FER1L6: variants seen among roughly 807,000 people sequenced by gnomAD.
The protein encoded by FER1L6 is fer-1-like protein 6.
In FER1L6, 177 loss-of-function variants were observed where a neutral mutation model predicts 219.2. The ratio of observed to expected loss-of-function variants is 0.81; its 90% CI spans 0.71 to 0.91. The LOEUF (loss-of-function observed/expected upper bound fraction) is 0.91. Ranked by LOEUF, FER1L6 falls within the 40% of genes least tolerant of loss-of-function variation. The pLI, the probability that FER1L6 is intolerant of heterozygous loss-of-function variation, is 0.00. For missense variants in FER1L6, 2,153 were observed against 2,259.9 expected (o/e 0.95, Z 0.96); for synonymous variants, 768 against 824.3 (o/e 0.93, Z 1.17).
intron 16 of FER1L6, 44 bp from the exon 17 acceptor site, chr8:124,021,506 C>T: frequency 6.2e-7 from 1 of 1,607,760 alleles, no homozygotes; most frequent in Non-Finnish European, 8.5e-7. Context: ...TGCTTGTTGT[C>T]CAGATCTCTC....
At chr8:123,898,221 T>C (rs1000939618) in intron 1 of FER1L6, among the ~76,000 whole-genome samples, 1 of 152,096 alleles carries the variant, frequency 6.6e-6, no homozygotes, top group African/African-American at 2.4e-5. Flanking sequence ...ATATAAAACT[T>C]AGAAGAATAA....
chr8:124,022,833 T>C (rs919182195), intron 17 of FER1L6, among the ~76,000 whole-genome samples: 1 of 151,624 alleles, frequency 6.6e-6, no homozygotes, highest in Non-Finnish European at 1.5e-5. Flanking sequence ...AAAAGTAGGC[T>C]ACCAAAGATG....
intron 1 of FER1L6, among the ~76,000 whole-genome samples, chr8:123,861,139 A>G (rs1816738474): frequency 8.7e-6 from 1 of 115,316 alleles, no homozygotes; most frequent in Admixed American, 9.2e-5. Context: ...TCTTTAATCC[A>G]TCTTGAATTG....
intron 16 of FER1L6, among the ~76,000 whole-genome samples, chr8:124,018,803 T>C (rs746890342): frequency 6.6e-6 from 1 of 152,214 alleles, no homozygotes. Flanking sequence ...ACATCCTGCA[T>C]TGGCACTGCC....
At chr8:124,067,877 G>A (rs1820892981) in intron 28 of FER1L6, 71 bp downstream of exon 28, 1 of 1,267,794 alleles carries the variant, frequency 7.9e-7, no homozygotes, top group Admixed American at 1.7e-5. Context: ...TAAAATGGAA[G>A]CCACGGGAGG....
chr8:124,065,134 C>T (rs1820769314), intron 26 of FER1L6, among the ~76,000 whole-genome samples: 1 of 152,048 alleles, frequency 6.6e-6, no homozygotes, highest in Non-Finnish European at 1.5e-5. Flanking sequence ...TGGCTCACAC[C>T]TGTAATCCTA....
intron 18 of FER1L6, among the ~76,000 whole-genome samples, 177 bp downstream of exon 18, chr8:124,023,773 G>T (rs1434082774): frequency 6.6e-6 from 1 of 152,064 alleles, no homozygotes; most frequent in African/African-American, 2.4e-5. Context: ...ACCACCTTTA[G>T]GTGGAATTTT....
In FER1L6 at chr8:124,013,417, T is replaced by C; in HGVS notation, c.1822-14T>C. 6.4e-7 allele frequency: 1 copy of C among 1,558,458 alleles called. No homozygotes were observed. The highest frequency in any genetic ancestry group is 8.8e-7 in the Non-Finnish European group (1 of 1,139,758). ...CCACCGCCTCATCTCTCCACCCCTG[T>C]GGTTTGTTTTCAGGAAGAAAGTATA... On this transcript the variant is annotated splice_polypyrimidine_tract_variant and intron_variant, in intron 14 of 40. Transcript: ENST00000522917.
In FER1L6 at chr8:123,890,922, T is replaced by C. The variant is rs374251268; in HGVS notation, c.-8+38737T>C. Among the ~76,000 whole-genome samples, 9 of 152,200 alleles carry C rather than the reference T, an allele frequency of 5.9e-5. No individual in the cohort carries two copies. The East Asian group carries it at 1.3e-3, about 23-fold the overall frequency. On this transcript the variant is annotated intron_variant, in intron 1 of 40. Transcript: ENST00000522917. ...AATTCAATGCAATCAATAATTTGAG[T>C]TGGTTTCAGATCTTTTCCTTTAGGT...
intron 1 of FER1L6, among the ~76,000 whole-genome samples, chr8:123,901,058 A>G (rs1306759129): frequency 6.6e-6 from 1 of 152,136 alleles, no homozygotes; most frequent in Non-Finnish European, 1.5e-5. Context: ...TATCTTGTGG[A>G]ATAGTGTCAA....
At chr8:123,956,757 T>C (rs765877856) in intron 2 of FER1L6, among the ~76,000 whole-genome samples, 6 of 152,170 alleles carry the variant, frequency 3.9e-5, no homozygotes, top group Non-Finnish European at 8.8e-5. Context: ...ACAGACCACA[T>C]ATCCATGAAG....
intron 1 of FER1L6, among the ~76,000 whole-genome samples, chr8:123,864,495 T>G (rs534765493): frequency 2.0e-5 from 3 of 150,248 alleles, no homozygotes; most frequent in Non-Finnish European, 4.4e-5. Context: ...CTTTGTGGCG[T>G]TCTCTGTATT....
intron 20 of FER1L6, among the ~76,000 whole-genome samples, chr8:124,043,047 C>T (rs1413021837): frequency 1.3e-5 from 2 of 152,148 alleles, no homozygotes; most frequent in African/African-American, 2.4e-5. Context: ...TTTGCAACAA[C>T]CAGGCTGGGG....
At chr8:124,074,819 A>C (rs57874567) in intron 31 of FER1L6, among the ~76,000 whole-genome samples, 5,281 of 152,182 alleles carry the variant, frequency 0.035, 294 homozygotes, top group African/African-American at 0.12. Context: ...AGCCTATTGC[A>C]CTCCTATGCT....
In FER1L6 at chr8:124,111,263, C is replaced by T. The variant is rs1044527903; in HGVS notation, c.5290-7581C>T. Among the ~76,000 whole-genome samples, 1 of 152,184 alleles carries T rather than the reference C, an allele frequency of 6.6e-6. No homozygotes were observed. The highest frequency in any genetic ancestry group is 1.5e-5 in the Non-Finnish European group (1 of 68,038). On this transcript the variant is annotated intron_variant, in intron 39 of 40. Coordinates refer to ENST00000522917, the MANE Select transcript of FER1L6 (RefSeq NM_001039112.2). The surrounding 1 kb of genome is among the most constrained non-coding windows in gnomAD (Gnocchi z 5.0). ...TCTCATTTTTAATTTTTATTTGTTG[C>T]CCTTACACCTCCTAAAGGGAAAATA... is the stretch of plus-strand genomic sequence containing the variant.
chr8:123,922,471 G>C (rs1813395582), intron 1 of FER1L6, among the ~76,000 whole-genome samples: 1 of 152,232 alleles, frequency 6.6e-6, no homozygotes, highest in Non-Finnish European at 1.5e-5. Context: ...AGCAGGCTTA[G>C]GCTCTCAGAG....
chr8:123,924,544 AAAAT>A (rs1198344505), intron 1 of FER1L6, among the ~76,000 whole-genome samples: 88 of 151,010 alleles, frequency 5.8e-4, no homozygotes, highest in African/African-American at 2.1e-3. Flanking sequence ...CAAAAAAAAA[AAAAT>A]AAATAAATAA....
chr8:123,900,678 G>T (rs1812840052), intron 1 of FER1L6, among the ~76,000 whole-genome samples: 1 of 152,130 alleles, frequency 6.6e-6, no homozygotes, highest in Non-Finnish European at 1.5e-5. Flanking sequence ...TATGTCCCTT[G>T]TATGCCGATT....
chr8:123,885,140 C>A (rs1366595843), intron 1 of FER1L6, among the ~76,000 whole-genome samples: 1 of 152,148 alleles, frequency 6.6e-6, no homozygotes, highest in Non-Finnish European at 1.5e-5. Flanking sequence ...CATCCTTGAG[C>A]CTTCAGAGGA....
Sources: allele counts gnomAD v4.1 joint callset (sites outside exome capture counted in the v4.1 genomes callset), GRCh38; gene constraint gnomAD v4.1.1; non-coding constraint Gnocchi (gnomAD v3.1); transcripts MANE v1.5; gene names NCBI Gene and HGNC (gene_info 2026-07-23, HGNC 2026-07-21).